The following SPAG16 variants were observed in gnomAD, a reference collection of about 807,000 sequenced individuals.
SPAG16 encodes sperm associated antigen 16, also known as sperm-associated antigen 16 protein.
In SPAG16, 86 loss-of-function variants were observed where a neutral mutation model predicts 80.4. The observed-to-expected ratio is 1.07, with a 90% CI of 0.90 to 1.28. The LOEUF (loss-of-function observed/expected upper bound fraction) is 1.28, where lower values mean the gene tolerates loss of function less well. Among genes scored for constraint, SPAG16 ranks in the 50% most tolerant of loss-of-function variants. The probability of loss-of-function intolerance (pLI) is 0.00; values close to 1 mark genes in which losing one functional copy is unlikely to be tolerated. For missense variants in SPAG16, 870 were observed against 765.3 expected, an observed-to-expected ratio of 1.14 and a Z score of -1.61; for synonymous variants, 294 against 265.9, an observed-to-expected ratio of 1.11 and a Z score of -1.03.
At chr2:213,646,060 T>G (rs2062810256) in intron 10 of SPAG16, among the ~76,000 whole-genome samples, 1 of 152,214 alleles carries the variant, frequency 6.6e-6, no homozygotes, top group Non-Finnish European at 1.5e-5. Flanking sequence ...GCCTCACAAT[T>G]GCTGTGCTCT....
chr2:214,220,972 CT>C (rs2058552573), intron 15 of SPAG16, among the ~76,000 whole-genome samples: 1 of 152,062 alleles, frequency 6.6e-6, no homozygotes, highest in Non-Finnish European at 1.5e-5. Context: ...TTTGTAGTTT[CT>C]TTTTCACCCA....
chr2:213,823,164 G>A (rs1168322991), intron 10 of SPAG16, among the ~76,000 whole-genome samples: 1 of 152,100 alleles, frequency 6.6e-6, no homozygotes, highest in Non-Finnish European at 1.5e-5. Flanking sequence ...CTTCCACAAT[G>A]GTTGAACTAA....
intron 13 of SPAG16, among the ~76,000 whole-genome samples, chr2:214,067,867 A>T (rs2050605565): frequency 6.6e-6 from 1 of 152,168 alleles, no homozygotes; most frequent in Non-Finnish European, 1.5e-5. Context: ...TGTTAGCTGT[A>T]AGTGGGGCAA....
At chr2:213,598,979 T>A (rs191644564) in intron 10 of SPAG16, among the ~76,000 whole-genome samples, 108 of 152,332 alleles carry the variant, frequency 7.1e-4, no homozygotes, top group African/African-American at 2.5e-3. Flanking sequence ...CTTTATATCA[T>A]CTAAATTGAG....
chr2:213,287,390 C>T (rs1404264556), intron 1 of SPAG16, among the ~76,000 whole-genome samples: 2 of 152,112 alleles, frequency 1.3e-5, no homozygotes, highest in East Asian at 3.9e-4. Flanking sequence ...CTGCCTAGTT[C>T]CAATTGGAAG....
intron 9 of SPAG16, among the ~76,000 whole-genome samples, chr2:213,452,242 A>C (rs2071742560): frequency 6.6e-6 from 1 of 152,078 alleles, no homozygotes; most frequent in South Asian, 2.1e-4. Flanking sequence ...GTTAGAAAGA[A>C]AGTTTTCTGC....
chr2:213,859,859 G>A (rs1236465302), intron 10 of SPAG16, among the ~76,000 whole-genome samples: 1 of 152,184 alleles, frequency 6.6e-6, no homozygotes, highest in African/African-American at 2.4e-5. Context: ...TATTGGGGTT[G>A]AGCATACAGC....
intron 12 of SPAG16, among the ~76,000 whole-genome samples, chr2:213,968,804 G>A (rs981940429): frequency 2.6e-5 from 4 of 152,190 alleles, no homozygotes; most frequent in African/African-American, 7.2e-5. Context: ...ATAAAAACAT[G>A]AAGTAATGAA....
rs144628926 is a variant in SPAG16, at chr2:213,942,700, C to A, written c.1400+12555C>A. ...AAGCAAGCTCCAATGAACAAGAACT[C>A]ATTTAAACCTTTACTTACTATTATA... On this transcript the variant is annotated intron_variant, in intron 12 of 15. Coordinates refer to ENST00000331683, the MANE Select transcript of SPAG16 (RefSeq NM_024532.5). Among the ~76,000 whole-genome samples the A allele has an allele frequency of 5.3e-5, 8 of 152,264 alleles. No homozygotes were observed. In the East Asian group the frequency reaches 1.5e-3, roughly 29 times the overall value.
intron 13 of SPAG16, among the ~76,000 whole-genome samples, chr2:214,026,762 C>T (rs991491942): frequency 1.1e-4 from 17 of 151,562 alleles, no homozygotes; most frequent in Admixed American, 9.9e-4. Context: ...TATTGTAGAA[C>T]TGAAGAAAGA....
chr2:213,496,744 A>T (rs1366395575), intron 10 of SPAG16, among the ~76,000 whole-genome samples: 3 of 150,774 alleles, frequency 2.0e-5, no homozygotes, highest in Non-Finnish European at 3.0e-5. Context: ...GTACTTAATT[A>T]TATATATCCA....
At chr2:213,642,173 A>G (rs565847352) in intron 10 of SPAG16, among the ~76,000 whole-genome samples, 12 of 152,166 alleles carry the variant, frequency 7.9e-5, no homozygotes, top group East Asian at 1.9e-4. Flanking sequence ...GGAACGCACA[A>G]TGTTTCAGCT....
intron 13 of SPAG16, among the ~76,000 whole-genome samples, chr2:214,021,579 G>A (rs2047870045): frequency 2.0e-5 from 3 of 152,050 alleles, no homozygotes; most frequent in Admixed American, 2.0e-4. Flanking sequence ...GGGAATTATG[G>A]GAGCTACAAG....
chr2:214,225,928 C>G (rs2058688273), intron 15 of SPAG16, among the ~76,000 whole-genome samples: 1 of 152,146 alleles, frequency 6.6e-6, no homozygotes. Context: ...TGGCCCTATA[C>G]AGTCTAGAAG....
chr2:213,511,140 A>ACC (rs1447098171), intron 10 of SPAG16, among the ~76,000 whole-genome samples: 1 of 145,742 alleles, frequency 6.9e-6, no homozygotes, highest in Non-Finnish European at 1.5e-5. Context: ...TCTCTTTCAT[A>ACC]CAACGCTATC....
chr2:214,403,049 A>G (rs1289703463), intron 15 of SPAG16, among the ~76,000 whole-genome samples: 1 of 151,120 alleles, frequency 6.6e-6, no homozygotes, highest in African/African-American at 2.4e-5. Context: ...CCAATCCAAA[A>G]AAAAAAAAAA....
chr2:213,419,810 A>G (rs1479384913), intron 9 of SPAG16, among the ~76,000 whole-genome samples: 1 of 152,180 alleles, frequency 6.6e-6, no homozygotes, highest in East Asian at 1.9e-4. Flanking sequence ...TAAATAATGA[A>G]GAGAGTTTAA....
intron 1 of SPAG16, among the ~76,000 whole-genome samples, chr2:213,293,253 G>A (rs1323778511): frequency 2.0e-5 from 3 of 152,212 alleles, no homozygotes; most frequent in Admixed American, 2.0e-4. Context: ...GCAGAACTAT[G>A]AGTCAATTAA....
chr2:213,807,990 C>G (rs1368881926), intron 10 of SPAG16, among the ~76,000 whole-genome samples: 1 of 152,118 alleles, frequency 6.6e-6, no homozygotes, highest in African/African-American at 2.4e-5. Flanking sequence ...CAAATGAAAA[C>G]AAGATGCAAT....
Sources: allele counts gnomAD v4.1 joint callset (sites outside exome capture counted in the v4.1 genomes callset), GRCh38; gene constraint gnomAD v4.1.1; transcripts MANE v1.5; gene names NCBI Gene and HGNC (gene_info 2026-07-23, HGNC 2026-07-21).